EDIL3: variants seen among roughly 807,000 people sequenced by gnomAD.
EDIL3 encodes EGF like and discoidin domains 3, also known as EGF-like repeat and discoidin I-like domain-containing protein 3.
EDIL3 carries 37 observed loss-of-function variants against 67.4 expected under a neutral mutation model. The ratio of observed to expected loss-of-function variants is 0.55; its 90% confidence interval spans 0.42 to 0.72. The LOEUF (loss-of-function observed/expected upper bound fraction) is 0.72, where lower values mean the gene tolerates loss of function less well. Ranked by LOEUF, EDIL3 falls within the 30% of genes least tolerant of loss-of-function variation. The probability of loss-of-function intolerance (pLI) is 0.00; values close to 1 mark genes in which losing one functional copy is unlikely to be tolerated. For missense variants in EDIL3, 527 were observed against 586.3 expected (o/e 0.90, Z 1.04); for synonymous variants, 195 against 196.3 (o/e 0.99, Z 0.05).
chr5:84,115,606 C>T (rs1747650561), intron 5 of EDIL3, among the ~76,000 whole-genome samples: 1 of 152,146 alleles, frequency 6.6e-6, no homozygotes, highest in East Asian at 1.9e-4. Flanking sequence ...AACAGTTCTG[C>T]TGTAGGACAA....
intron 9 of EDIL3, among the ~76,000 whole-genome samples, 156 bp downstream of exon 9, chr5:84,060,144 T>G (rs757840102): frequency 6.6e-6 from 1 of 152,154 alleles, no homozygotes; most frequent in Non-Finnish European, 1.5e-5. Context: ...AGACATGGTT[T>G]CATAAGGAAT....
At chr5:84,273,318 G>A (rs551088635) in intron 1 of EDIL3, among the ~76,000 whole-genome samples, 34 of 152,156 alleles carry the variant, frequency 2.2e-4, no homozygotes, top group African/African-American at 8.2e-4. Flanking sequence ...AAGAGAAAGG[G>A]ATTTCCTTTA....
At chr5:84,313,185 T>C (rs1002048660) in intron 1 of EDIL3, among the ~76,000 whole-genome samples, 1 of 152,190 alleles carries the variant, frequency 6.6e-6, no homozygotes, top group Admixed American at 6.5e-5. Flanking sequence ...TAAAGATCTT[T>C]GCACTGCTGG....
At chr5:84,033,793 C>T (rs1294837827) in intron 9 of EDIL3, among the ~76,000 whole-genome samples, 2 of 151,734 alleles carry the variant, frequency 1.3e-5, no homozygotes, top group Non-Finnish European at 2.9e-5. Flanking sequence ...TTCTGGCACA[C>T]TTCTCTGTGA....
chr5:84,062,695 G>T (rs981402679), intron 8 of EDIL3, among the ~76,000 whole-genome samples: 1 of 152,100 alleles, frequency 6.6e-6, no homozygotes, highest in Non-Finnish European at 1.5e-5. Context: ...CTTCTAGGCA[G>T]GGTGAAAGAT....
intron 3 of EDIL3, among the ~76,000 whole-genome samples, chr5:84,195,089 A>G (rs2112371992): frequency 6.6e-6 from 1 of 152,056 alleles, no homozygotes; most frequent in East Asian, 1.9e-4. Context: ...GCTGATTAAA[A>G]TGATCACAAT....
At chr5:84,056,425 C>T (rs190168827) in intron 9 of EDIL3, among the ~76,000 whole-genome samples, 1 of 151,974 alleles carries the variant, frequency 6.6e-6, no homozygotes, top group Non-Finnish European at 1.5e-5. Context: ...ACATATGTAA[C>T]AAACCTTCAC....
intron 1 of EDIL3, among the ~76,000 whole-genome samples, chr5:84,329,802 T>C (rs1500227): frequency 0.27 from 40,528 of 151,976 alleles, 6,247 homozygotes; most frequent in Middle Eastern, 0.36. Context: ...TTCCAAAGCA[T>C]TTTCACATAT....
At chr5:84,138,269 T>C (rs978343632) in intron 4 of EDIL3, among the ~76,000 whole-genome samples, 5 of 152,202 alleles carry the variant, frequency 3.3e-5, no homozygotes, top group African/African-American at 9.6e-5. Flanking sequence ...CAGTTTGTTG[T>C]TGTTGTTTTT....
intron 1 of EDIL3, among the ~76,000 whole-genome samples, chr5:84,290,737 G>A (rs915359652): frequency 3.3e-5 from 5 of 152,062 alleles, no homozygotes; most frequent in African/African-American, 1.2e-4. Context: ...AAACATCTGG[G>A]TTTTGCCACT....
intron 1 of EDIL3, among the ~76,000 whole-genome samples, chr5:84,303,103 A>G (rs1580066006): frequency 6.6e-6 from 1 of 152,286 alleles, no homozygotes; most frequent in East Asian, 1.9e-4. Flanking sequence ...GTGGATCTGT[A>G]CACTTGTCCT....
At chr5:83,957,678 T>A (rs573629858) in intron 10 of EDIL3, among the ~76,000 whole-genome samples, 3 of 151,816 alleles carry the variant, frequency 2.0e-5, no homozygotes, top group Admixed American at 6.6e-5. Flanking sequence ...TTTCTTCTAT[T>A]GGAGAGTGAT....
At chr5:84,351,567 T>C (rs72766409) in intron 1 of EDIL3, among the ~76,000 whole-genome samples, 18,261 of 152,092 alleles carry the variant, frequency 0.12, 1,131 homozygotes, top group South Asian at 0.21. Context: ...AAGGAGATGA[T>C]ACTAACCTAT....
At chr5:84,070,003 G>A (rs894474084) in intron 6 of EDIL3, among the ~76,000 whole-genome samples, 4 of 151,726 alleles carry the variant, frequency 2.6e-5, no homozygotes, top group African/African-American at 7.3e-5. Context: ...GCAGGCCATC[G>A]ACCCATGGAA....
intron 1 of EDIL3, among the ~76,000 whole-genome samples, chr5:84,344,345 T>A (rs1190405288): frequency 6.6e-6 from 1 of 152,188 alleles, no homozygotes; most frequent in East Asian, 1.9e-4. Context: ...ATCTGCATAG[T>A]CCAATGTTCA....
chr5:84,361,656 C>CT (rs563307355), intron 1 of EDIL3, among the ~76,000 whole-genome samples: 1 of 150,564 alleles, frequency 6.6e-6, no homozygotes, highest in African/African-American at 2.4e-5. Flanking sequence ...GAAATGTTGA[C>CT]TTTTTTTTAT....
intron 9 of EDIL3, among the ~76,000 whole-genome samples, chr5:83,966,107 T>C (rs1422837116): frequency 6.6e-6 from 1 of 152,056 alleles, no homozygotes; most frequent in African/African-American, 2.4e-5. Flanking sequence ...TTGAAGATCT[T>C]CAGGGTGAAA....
At chr5:84,086,835 G>C (rs1324802019) in intron 6 of EDIL3, among the ~76,000 whole-genome samples, 1 of 152,098 alleles carries the variant, frequency 6.6e-6, no homozygotes, top group Non-Finnish European at 1.5e-5. Flanking sequence ...TGATAAATCA[G>C]GGCCCCAGGT....
intron 9 of EDIL3, among the ~76,000 whole-genome samples, chr5:83,973,002 G>A (rs1307741175): frequency 6.6e-6 from 1 of 152,038 alleles, no homozygotes; most frequent in Non-Finnish European, 1.5e-5. Context: ...ACCTGTGTCA[G>A]AGAGATTAAA....
Sources: gnomAD v4.1 joint callset for allele counts (sites outside exome capture counted in the v4.1 genomes callset) on GRCh38, gnomAD v4.1.1 for gene constraint, MANE v1.5 for transcripts, NCBI Gene and HGNC (gene_info 2026-07-23, HGNC 2026-07-21) for gene names.